Variants in LRRC71 observed in about 807,000 individuals in gnomAD.
The protein encoded by LRRC71 is leucine-rich repeat-containing protein 71.
LRRC71 carries 54 observed loss-of-function variants against 66.6 expected under a neutral mutation model. That is an observed-to-expected ratio of 0.81 (90% CI 0.65 to 1.02). The LOEUF (loss-of-function observed/expected upper bound fraction) is 1.02, where lower values mean the gene tolerates loss of function less well. Among genes scored for constraint, LRRC71 ranks in the 50% least tolerant of loss-of-function variants. The pLI, the probability that LRRC71 is intolerant of heterozygous loss-of-function variation, is 0.00. For missense variants in LRRC71, 724 were observed against 718.0 expected (o/e 1.01, Z -0.10); for synonymous variants, 323 against 303.9 (o/e 1.06, Z -0.65).
At chr1:156,936,023 C>T (rs377720314), downstream of LRRC71, 13 of 1,613,548 alleles carry the variant, frequency 8.1e-6, no homozygotes, top group Admixed American at 3.3e-5. Flanking sequence ...GACGCGGCTG[C>T]GTCTGCTGTG....
chr1:156,941,023 A>G, the LRRC71 span, among the ~76,000 whole-genome samples: 1 of 152,018 alleles, frequency 6.6e-6, no homozygotes, highest in Non-Finnish European at 1.5e-5. Context: ...TTCCATTCTC[A>G]TTGTTGCAGC....
At chr1:156,937,656 C>T (rs115538043), downstream of LRRC71, among the ~76,000 whole-genome samples, 671 of 152,298 alleles carry the variant, frequency 4.4e-3, 3 homozygotes, top group African/African-American at 0.015. Flanking sequence ...CTGCCAGCCC[C>T]CTAAAAGCCC....
rs148066961 is a variant in LRRC71, at chr1:156,925,720, C to G, written c.593+705C>G. ...CCCTTCTCTAGGCTCCCACAGCACCCTGCCTCTTCTTGCTTCATGGTGGCG... is the reference window on the plus strand; with the variant it reads ...CCCTTCTCTAGGCTCCCACAGCACCGTGCCTCTTCTTGCTTCATGGTGGCG... On this transcript the variant is annotated intron_variant, in intron 5 of 14. Coordinates refer to ENST00000337428, the MANE Select transcript of LRRC71 (RefSeq NM_144702.3). Among the ~76,000 whole-genome samples, 384 of 152,336 alleles carry G rather than the reference C, an allele frequency of 2.5e-3. 1 individual carries two copies. Among genetic ancestry groups the G allele is most frequent in the Middle Eastern group, 6.8e-3 (2 of 294 alleles).
intron 2 of LRRC71, 96 bp downstream of exon 2, chr1:156,924,194 G>C (rs1558166812): frequency 2.2e-6 from 3 of 1,382,704 alleles, no homozygotes; most frequent in African/African-American, 2.9e-5. Context: ...GACGCGGGGC[G>C]GTGTGTGTGT....
chr1:156,932,362 G>C, intron 13 of LRRC71, 62 bp from the exon 14 acceptor site: 1 of 1,336,886 alleles, frequency 7.5e-7, no homozygotes, highest in Non-Finnish European at 1.1e-6. Flanking sequence ...GGGATGTCTG[G>C]TGTGTCAGGT....
the LRRC71 span, chr1:156,939,502 T>G: frequency 6.2e-7 from 1 of 1,602,182 alleles, no homozygotes; most frequent in Non-Finnish European, 8.5e-7. Flanking sequence ...TTATCTCACC[T>G]AGCAAGGGTG....
intron 11 of LRRC71, among the ~76,000 whole-genome samples, chr1:156,930,032 T>TTTTCTTTCTTTCTC (rs1553189648): frequency 0.041 from 4,865 of 119,832 alleles, 406 homozygotes; most frequent in African/African-American, 0.18. Flanking sequence ...TTTCTTTTCT[T>TTTTCTTTCTTTCTC]TTTCTTTCTT....
rs773162614 is a variant in LRRC71, at chr1:156,933,064, T to A, written c.*95T>A. The A allele has an allele frequency of 1.2e-6, 1 of 811,630 alleles. No homozygotes were observed. The highest frequency in any genetic ancestry group is 2.0e-6 in the Non-Finnish European group (1 of 509,494). The allele number at this position is 811,630 out of a possible 1,614,324, so 50.3% of individuals were successfully genotyped here. On this transcript the variant is annotated 3_prime_UTR_variant, in exon 15 of 15. Coordinates refer to ENST00000337428, the MANE Select transcript of LRRC71 (RefSeq NM_144702.3). ...CTCCCTGGGGGAGATCTCAGACCAA[T>A]AACAAAGTCTGTTGCTATACTTTTC...
At chr1:156,923,878 C>G in intron 1 of LRRC71, 71 bp from the exon 2 acceptor site, 2 of 1,407,488 alleles carry the variant, frequency 1.4e-6, no homozygotes, top group Non-Finnish European at 1.9e-6. Context: ...GCCCCTCCGC[C>G]CGCGCGGGAG....
Position 156,927,725 on chromosome 1 carries a change from C to G in LRRC71, c.823-8C>G. The G allele has an allele frequency of 6.2e-7, 1 of 1,608,242 alleles. No individual in the cohort carries two copies. The highest frequency in any genetic ancestry group is 8.5e-7 in the Non-Finnish European group (1 of 1,179,650). ...TGGGCGGCTCACGCGTCCCTGCCCG[C>G]CTCTTAGGGCCTCCGGCTGAACCGT... On this transcript the variant is annotated splice_region_variant and splice_polypyrimidine_tract_variant and intron_variant, in intron 7 of 14. Transcript: ENST00000337428.
Position 156,925,014 on chromosome 1 carries a change from A to C in LRRC71, c.592A>C (p.Arg198=). The C allele has an allele frequency of 6.4e-7, 1 of 1,551,630 alleles. No individual in the cohort carries two copies. Among genetic ancestry groups the C allele is most frequent in the Non-Finnish European group, 8.7e-7 (1 of 1,146,972 alleles). ...CCTGCCTCTCTGTTCATCCACGCTC[A>C]GGTCAGCAGACTGGGAGGCCCCCTG... ...ELLPLCSSTL[R]KVSLEGNPLP... is the part of the protein sequence containing the mutation. Residue 198 remains arginine, a splice_region_variant and synonymous_variant, in exon 5 of 15, where the codon AGG becomes CGG. Transcript: ENST00000337428.
chr1:156,932,105 C>T, intron 13 of LRRC71, 78 bp downstream of exon 13: 2 of 1,139,754 alleles, frequency 1.8e-6, no homozygotes, highest in South Asian at 1.4e-5. Context: ...TTTACCCCGA[C>T]TCTATGGAGC....
downstream of LRRC71, chr1:156,936,361 A>G (rs1231575294): frequency 2.1e-6 from 1 of 465,994 alleles, no homozygotes; most frequent in Non-Finnish European, 4.2e-6. Flanking sequence ...GGCCGACACC[A>G]TGGTGTGCAC....
At chr1:156,928,455 CTTCTCCTTCTT>C (rs1653710572) in intron 9 of LRRC71, among the ~76,000 whole-genome samples, 4 of 143,398 alleles carry the variant, frequency 2.8e-5, no homozygotes, top group African/African-American at 1.1e-4. Flanking sequence ...TCCTCCTCTT[CTTCTCCTTCTT>C]CTCTTCTTCC....
chr1:156,928,153 CT>C, intron 9 of LRRC71, 149 bp downstream of exon 9: 1 of 813,900 alleles, frequency 1.2e-6, no homozygotes, highest in Non-Finnish European at 1.9e-6. Flanking sequence ...TCTGCACAGA[CT>C]TTTGCCAAGC....
At position 156,932,335 on chromosome 1, in the gene LRRC71, G is replaced by A. The variant is rs1571080141; in HGVS notation, c.1442-89G>A. ...CCAGTGAGTCTGGAGTGGGGAGCTGGAGGAACTGGGATGCTGGGGATGTCT... is the reference window on the plus strand; with the variant it reads ...CCAGTGAGTCTGGAGTGGGGAGCTGAAGGAACTGGGATGCTGGGGATGTCT... On this transcript the variant is annotated intron_variant, in intron 13 of 14. Coordinates refer to ENST00000337428, the MANE Select transcript of LRRC71 (RefSeq NM_144702.3). 14 of 1,081,228 alleles carry A rather than the reference G, an allele frequency of 1.3e-5. No homozygotes were observed. The South Asian group carries it at 2.0e-4, about 15-fold the overall frequency. 67.0% of individuals were successfully genotyped at this position (1,081,228 alleles called of 1,614,324 possible). A position where few individuals can be genotyped will look rare whatever the true frequency, so the allele number is the denominator to read the frequency against.
At chr1:156,925,514 GCAGGAAGAC>G (rs1356874864) in intron 5 of LRRC71, among the ~76,000 whole-genome samples, 1 of 152,240 alleles carries the variant, frequency 6.6e-6, no homozygotes, top group Non-Finnish European at 1.5e-5. Flanking sequence ...TGGATGTGAG[GCAGGAAGAC>G]CTGGAAGACT....
At chr1:156,927,296 T>G (rs369309056) in intron 6 of LRRC71, 26 bp downstream of exon 6, 37 of 1,608,190 alleles carry the variant, frequency 2.3e-5, no homozygotes, top group Non-Finnish European at 2.3e-5. Context: ...CTCACCCCCT[T>G]TCTCTGGGCC....
chr1:156,939,516 G>T, the LRRC71 span: 1 of 1,604,760 alleles, frequency 6.2e-7, no homozygotes, highest in Non-Finnish European at 8.5e-7. Context: ...AAGGGTGCTT[G>T]TCTCCCCACT....
Sources: gnomAD v4.1 joint callset for allele counts (sites outside exome capture counted in the v4.1 genomes callset) on GRCh38, gnomAD v4.1.1 for gene constraint, MANE v1.5 for transcripts, NCBI Gene and HGNC (gene_info 2026-07-23, HGNC 2026-07-21) for gene names.